The following CDK14 variants were observed in gnomAD, a reference collection of about 807,000 sequenced individuals.
The protein encoded by CDK14 is cyclin-dependent kinase 14.
In CDK14, 34 loss-of-function variants were observed where a neutral mutation model predicts 60.7. The observed-to-expected ratio is 0.56, with a 90% CI of 0.43 to 0.75. The LOEUF (loss-of-function observed/expected upper bound fraction) is 0.75. Ranked by LOEUF, CDK14 falls within the 30% of genes least tolerant of loss-of-function variation. CDK14 has a pLI of 0.00. For missense variants in CDK14, 482 were observed against 564.1 expected (o/e 0.85, Z 1.47); for synonymous variants, 197 against 203.7 (o/e 0.97, Z 0.28).
At chr7:90,777,795 C>T (rs567014942) in intron 4 of CDK14, among the ~76,000 whole-genome samples, 2 of 152,220 alleles carry the variant, frequency 1.3e-5, no homozygotes, top group African/African-American at 2.4e-5. Context: ...GTGTCATATC[C>T]CAGGCACTAT....
chr7:90,628,954 A>G (rs1799935298), intron 2 of CDK14, among the ~76,000 whole-genome samples: 1 of 152,010 alleles, frequency 6.6e-6, no homozygotes. Context: ...ACTCTGGTCC[A>G]GAGACCACGT....
At chr7:90,825,856 G>C (rs1442516170) in intron 5 of CDK14, among the ~76,000 whole-genome samples, 3 of 152,144 alleles carry the variant, frequency 2.0e-5, no homozygotes, top group Non-Finnish European at 1.5e-5. Context: ...AAGATTCTTT[G>C]AGGATAGATT....
intron 4 of CDK14, among the ~76,000 whole-genome samples, chr7:90,775,629 CTCCCCCTTCCCCTCCCCCT>C (rs1804998775): frequency 1.0e-5 from 1 of 96,648 alleles, no homozygotes; most frequent in Non-Finnish European, 2.4e-5. Context: ...CCTCCTCCCC[CTCCCCCTTCCCCTCCCCCT>C]TCCCCTCCCC....
At chr7:90,624,702 A>T (rs1799840913) in intron 2 of CDK14, among the ~76,000 whole-genome samples, 1 of 152,242 alleles carries the variant, frequency 6.6e-6, no homozygotes, top group Non-Finnish European at 1.5e-5. Context: ...AGCATTAGAT[A>T]TGGATTTGAA....
chr7:91,036,573 TTCC>T (rs1796940746), intron 10 of CDK14, among the ~76,000 whole-genome samples: 1 of 152,156 alleles, frequency 6.6e-6, no homozygotes, highest in Non-Finnish European at 1.5e-5. Context: ...CCAAGCCCTC[TTCC>T]TCCTCCTCAG....
rs145247768 is a variant in CDK14, at chr7:91,073,733, C to T, written c.1106-5699C>T. On this transcript the variant is annotated intron_variant, in intron 11 of 14. Transcript: ENST00000380050. ...AACTGGATAAAGAATCAAAACCCAT[C>T]GGTGTGCGGTACCCACGAGACCCAT... 1.2e-3 allele frequency among the ~76,000 whole-genome samples: 177 copies of T among 151,670 alleles called. 1 individual carries two copies. Among genetic ancestry groups the T allele is most frequent in the African/African-American group, 3.7e-3 (153 of 41,328 alleles).
intron 2 of CDK14, among the ~76,000 whole-genome samples, chr7:90,662,559 A>G (rs1800885063): frequency 6.6e-6 from 1 of 152,244 alleles, no homozygotes; most frequent in Non-Finnish European, 1.5e-5. Context: ...AACCTTGGGC[A>G]GTTAGTTAAC....
intron 1 of CDK14, among the ~76,000 whole-genome samples, chr7:90,601,720 A>T (rs1031137082): frequency 6.6e-6 from 1 of 152,070 alleles, no homozygotes; most frequent in African/African-American, 2.4e-5. Flanking sequence ...GAGGGTCTTC[A>T]TTCCATATTT....
At chr7:91,161,101 G>C (rs1474686824) in intron 14 of CDK14, among the ~76,000 whole-genome samples, 1 of 152,180 alleles carries the variant, frequency 6.6e-6, no homozygotes, top group Non-Finnish European at 1.5e-5. Context: ...TGGGCAATTG[G>C]TGTCAAAATT....
intron 5 of CDK14, among the ~76,000 whole-genome samples, chr7:90,850,718 A>G (rs1343731517): frequency 6.6e-6 from 1 of 152,122 alleles, no homozygotes; most frequent in Non-Finnish European, 1.5e-5. Context: ...CGGGAGCTGC[A>G]TGGAGACCTC....
chr7:91,003,072 A>G (rs1243375068), intron 10 of CDK14, among the ~76,000 whole-genome samples: 3 of 152,170 alleles, frequency 2.0e-5, no homozygotes, highest in Admixed American at 6.5e-5. Context: ...CTCCGTCTCA[A>G]AAAACAAAAA....
Position 91,074,135 on chromosome 7 carries a change from T to G in CDK14, c.1106-5297T>G, listed in dbSNP as rs546463197. 4.6e-5 allele frequency among the ~76,000 whole-genome samples: 7 copies of G among 152,328 alleles called. No individual in the cohort carries two copies. The South Asian group carries it at 1.2e-3, about 27-fold the overall frequency. On this transcript the variant is annotated intron_variant, in intron 11 of 14. Coordinates refer to ENST00000380050, the MANE Select transcript of CDK14 (RefSeq NM_001287135.2). ...GATATTCAGAACTTGAACTCAGCTCTGGATCAAGTGGACCTAATAGACAGC... is the reference window on the plus strand; with the variant it reads ...GATATTCAGAACTTGAACTCAGCTCGGGATCAAGTGGACCTAATAGACAGC...
At chr7:91,056,840 G>C (rs1489703635) in intron 11 of CDK14, among the ~76,000 whole-genome samples, 1 of 152,120 alleles carries the variant, frequency 6.6e-6, no homozygotes, top group African/African-American at 2.4e-5. Flanking sequence ...CCAAGTCTTT[G>C]CTATTGTGAA....
chr7:90,827,574 G>A (rs548220329), intron 5 of CDK14, among the ~76,000 whole-genome samples: 6 of 152,294 alleles, frequency 3.9e-5, no homozygotes, highest in East Asian at 1.9e-4. Flanking sequence ...GATAGAACAC[G>A]GAGGGTTTAA....
chr7:91,108,795 A>T (rs968140052), intron 12 of CDK14, among the ~76,000 whole-genome samples: 1 of 152,208 alleles, frequency 6.6e-6, no homozygotes, highest in African/African-American at 2.4e-5. Context: ...TGAAAAGTTC[A>T]TGCAAAGTCC....
At chr7:90,678,158 G>A (rs977802722) in intron 2 of CDK14, among the ~76,000 whole-genome samples, 3 of 152,166 alleles carry the variant, frequency 2.0e-5, no homozygotes, top group Admixed American at 6.6e-5. Flanking sequence ...ATAACATAGG[G>A]GCTTTAAGGG....
At chr7:90,925,175 C>A (rs1277072931) in intron 8 of CDK14, among the ~76,000 whole-genome samples, 1 of 152,018 alleles carries the variant, frequency 6.6e-6, no homozygotes, top group African/African-American at 2.4e-5. Context: ...AAATATCTGT[C>A]AAGATATTTG....
intron 11 of CDK14, among the ~76,000 whole-genome samples, chr7:91,056,021 C>T (rs183068330): frequency 6.6e-6 from 1 of 152,320 alleles, no homozygotes; most frequent in East Asian, 1.9e-4. Context: ...ATAAAGTCCT[C>T]CATAACTCCT....
intron 10 of CDK14, among the ~76,000 whole-genome samples, chr7:91,030,304 C>G (rs1392750168): frequency 6.6e-6 from 1 of 152,166 alleles, no homozygotes; most frequent in Non-Finnish European, 1.5e-5. Context: ...ATACCTCATT[C>G]AAAGCCCTAA....
Sources: allele counts gnomAD v4.1 joint callset (sites outside exome capture counted in the v4.1 genomes callset), GRCh38; gene constraint gnomAD v4.1.1; transcripts MANE v1.5; gene names NCBI Gene and HGNC (gene_info 2026-07-23, HGNC 2026-07-21).